The following KIFC1 variants were observed in gnomAD, a reference collection of about 807,000 sequenced individuals.
KIFC1 encodes kinesin-like protein KIFC1.
In KIFC1, 37 loss-of-function variants were observed where a neutral mutation model predicts 66.6. The observed-to-expected ratio is 0.56, with a 90% confidence interval of 0.43 to 0.73. KIFC1 has a LOEUF of 0.73. Ranked by LOEUF, KIFC1 falls within the 30% of genes least tolerant of loss-of-function variation. The probability of loss-of-function intolerance (pLI) is 0.00; values close to 1 mark genes in which losing one functional copy is unlikely to be tolerated. For synonymous variants in KIFC1, 325 were observed against 343.5 expected, an observed-to-expected ratio of 0.95 and a Z score of 0.60; for missense variants, 721 against 859.8, an observed-to-expected ratio of 0.84 and a Z score of 2.02.
Position 33,405,583 on chromosome 6 carries a change from G to C in KIFC1, c.1488G>C (p.Glu496Asp). 1 of 1,558,912 alleles carries C rather than the reference G, an allele frequency of 6.4e-7. No homozygotes were observed. The highest frequency in any genetic ancestry group is 1.2e-5 in the South Asian group (1 of 83,752). Residue 496 changes from glutamate (E) to aspartate (D), a missense_variant, in exon 7 of 11, where the codon GAG becomes GAC. Coordinates refer to ENST00000428849, the MANE Select transcript of KIFC1 (RefSeq NM_002263.4). This position sits in a 1 kb window ranked among gnomAD's most constrained non-coding sequence, Gnocchi z 5.4. The stretch of plus-strand genomic sequence containing the variant: ...GCCGTGCAGGGCCAGGGAGTGAGGA[G>C]CTCACTGTCACCAATGCTCGATATG... ...EIRRAGPGSE[E>D]LTVTNARYVP...
chr6:33,393,869 C>T (rs1272610818), intron 1 of KIFC1, among the ~76,000 whole-genome samples: 2 of 151,936 alleles, frequency 1.3e-5, no homozygotes, highest in African/African-American at 4.8e-5. Flanking sequence ...GCCTCAGCCT[C>T]CCGAGTAGCT....
Position 33,406,488 on chromosome 6 carries a change from TGG to T in KIFC1, c.1827+4_1827+5del. 1 of 1,599,488 alleles carries T rather than the reference TGG, an allele frequency of 6.3e-7. No homozygotes were observed. The highest frequency in any genetic ancestry group is 8.5e-7 in the Non-Finnish European group (1 of 1,171,080). ...GTTATCATGGCCCTGAGCAACAAGG[TGG>T]GAATGGGAGTGGGGTGAGATACGGG... On this transcript the variant is annotated splice_donor_region_variant and intron_variant, in intron 8 of 10. Coordinates refer to ENST00000428849, the MANE Select transcript of KIFC1 (RefSeq NM_002263.4). The surrounding 1 kb of genome is among the most constrained non-coding windows in gnomAD (Gnocchi z 4.5).
intron 1 of KIFC1, among the ~76,000 whole-genome samples, chr6:33,395,458 C>T (rs1032057446): frequency 6.6e-6 from 1 of 151,988 alleles, no homozygotes; most frequent in Non-Finnish European, 1.5e-5. Context: ...GAAAGGGTTG[C>T]CTTAGGAGCA....
At chr6:33,407,812 A>G (rs1258911500) in intron 10 of KIFC1, among the ~76,000 whole-genome samples, 1 of 152,230 alleles carries the variant, frequency 6.6e-6, no homozygotes, top group Non-Finnish European at 1.5e-5. Context: ...AGCAAGTCAG[A>G]AAGTTTCCTT....
At chr6:33,391,699 A>G (rs1244587485), upstream of KIFC1, 3 of 588,888 alleles carry the variant, frequency 5.1e-6, no homozygotes, top group Non-Finnish European at 9.1e-6. Context: ...CAGAAAAGAC[A>G]AGGCGCCTGT....
At chr6:33,408,865 C>T (rs1775769365) in intron 10 of KIFC1, among the ~76,000 whole-genome samples, 1 of 152,098 alleles carries the variant, frequency 6.6e-6, no homozygotes, top group African/African-American at 2.4e-5. Flanking sequence ...TCAAATTGCC[C>T]CATCTTTAGC....
intron 3 of KIFC1, among the ~76,000 whole-genome samples, chr6:33,399,834 A>G (rs948122140): frequency 6.6e-6 from 1 of 152,242 alleles, no homozygotes; most frequent in Non-Finnish European, 1.5e-5. Context: ...CTTACTGTAC[A>G]CTGCTGTAGA....
chr6:33,409,557 G>A (rs1454292152), intron 10 of KIFC1, 89 bp from the exon 11 acceptor site: 21 of 1,287,474 alleles, frequency 1.6e-5, no homozygotes, highest in Non-Finnish European at 4.5e-6. Context: ...TCTGAGGGCA[G>A]CCCTAGCATT....
Position 33,398,023 on chromosome 6 carries a change from C to G in KIFC1, c.13-6C>G, listed in dbSNP as rs373212856. 5 of 1,613,778 alleles carry G rather than the reference C, an allele frequency of 3.1e-6. No individual in the cohort carries two copies. The African/African-American group carries it at 6.7e-5, about 22-fold the overall frequency. ...GTATTGTCTTAAGGGTCTCTTTTCC[C>G]AACAGAGGTCCCCCCTATTGGAAGT... On this transcript the variant is annotated splice_region_variant and splice_polypyrimidine_tract_variant and intron_variant, in intron 1 of 10. Coordinates refer to ENST00000428849, the MANE Select transcript of KIFC1 (RefSeq NM_002263.4).
In KIFC1 at chr6:33,403,175, C is replaced by G; in HGVS notation, c.251-139C>G. 1 of 786,260 alleles carries G rather than the reference C, an allele frequency of 1.3e-6. No individual in the cohort carries two copies. Among genetic ancestry groups the G allele is most frequent in the Non-Finnish European group, 2.1e-6 (1 of 468,470 alleles). The allele number at this position is 786,260 out of a possible 1,614,324, so 48.7% of individuals were successfully genotyped here. On this transcript the variant is annotated intron_variant, in intron 3 of 10. Transcript: ENST00000428849. The surrounding 1 kb of genome is among the most constrained non-coding windows in gnomAD (Gnocchi z 4.6). ...TAGGGGAGGTATCATTAGGAGCTGG[C>G]CAGACTTAGGGATAAGGGAAGGAAG...
At position 33,405,550 on chromosome 6, in the gene KIFC1, T is replaced by C; in HGVS notation, c.1455T>C (p.Cys485=). The part of the protein sequence containing the change: ...TGTRKGQGGE[C]EIRRAGPGSE... ...CCCGGAAGGGTCAAGGGGGCGAGTG[T>C]GAGATTCGCCGTGCAGGGCCAGGGA... Residue 485 remains cysteine, a synonymous_variant, in exon 7 of 11, where the codon TGT becomes TGC. Transcript: ENST00000428849. The surrounding 1 kb of genome is among the most constrained non-coding windows in gnomAD (Gnocchi z 5.4). 6.2e-7 allele frequency: 1 copy of C among 1,601,806 alleles called. No individual in the cohort carries two copies. Among genetic ancestry groups the C allele is most frequent in the Non-Finnish European group, 8.5e-7 (1 of 1,174,560 alleles).
rs770306906 is a variant in KIFC1 at position 33,403,361 on chromosome 6, G to A, written c.298G>A (p.Ala100Thr). ...AGGACCCCGGTGTTCCACAGCTATT[G>A]CCACAGGTAACTGTGCTCAAGAGCT... ...KTGPRCSTAI[A>T]TGLKNQKPVP... The change falls in exon 4 of 11, where the codon GCC becomes ACC. Residue 100 changes from alanine (A) to threonine (T), a missense_variant. Physicochemically the swap from Ala to Thr is moderately conservative, Grantham distance 58. Coordinates refer to ENST00000428849, the MANE Select transcript of KIFC1 (RefSeq NM_002263.4). The surrounding 1 kb of genome is among the most constrained non-coding windows in gnomAD (Gnocchi z 4.6). 2 of 1,613,960 alleles carry A rather than the reference G, an allele frequency of 1.2e-6. No individual in the cohort carries two copies. Among genetic ancestry groups the A allele is most frequent in the African/African-American group, 2.7e-5 (2 of 74,912 alleles).
chr6:33,403,872 C>T lies in KIFC1; in HGVS notation c.499C>T (p.Leu167Phe). 1.2e-6 allele frequency: 2 copies of T among 1,614,250 alleles called. No individual in the cohort carries two copies. The highest frequency in any genetic ancestry group is 1.3e-5 in the African/African-American group (1 of 75,058). Residue 167 changes from leucine (L) to phenylalanine (F), a missense_variant, in exon 6 of 11, where the codon CTT becomes TTT. Physicochemically the swap from Leu to Phe is conservative, Grantham distance 22. Coordinates refer to ENST00000428849, the MANE Select transcript of KIFC1 (RefSeq NM_002263.4). The surrounding 1 kb of genome is among the most constrained non-coding windows in gnomAD (Gnocchi z 4.6). ...AACGTTGGACCAAGAGAACCAGCAG[C>T]TTCAGGACCAGCTCAGAGATGCCCA... ...TQTLDQENQQ[L>F]QDQLRDAQQQ...
chr6:33,406,497 G>C lies in KIFC1; in HGVS notation c.1827+11G>C, dbSNP rs760528685. The C allele has an allele frequency of 6.2e-7, 1 of 1,603,682 alleles. No homozygotes were observed. The highest frequency in any genetic ancestry group is 1.1e-5 in the South Asian group (1 of 89,518). ...GCCCTGAGCAACAAGGTGGGAATGGGAGTGGGGTGAGATACGGGACCTGGG... is the reference window on the plus strand; with the variant it reads ...GCCCTGAGCAACAAGGTGGGAATGGCAGTGGGGTGAGATACGGGACCTGGG... On this transcript the variant is annotated intron_variant, in intron 8 of 10. Transcript: ENST00000428849. The surrounding 1 kb of genome is among the most constrained non-coding windows in gnomAD (Gnocchi z 4.5).
At position 33,403,294 on chromosome 6, in the gene KIFC1, C is replaced by G. The variant is rs367655955; in HGVS notation, c.251-20C>G. The G allele has an allele frequency of 1.2e-6, 2 of 1,609,270 alleles. No homozygotes were observed. Among genetic ancestry groups the G allele is most frequent in the Non-Finnish European group, 1.7e-6 (2 of 1,176,878 alleles). The stretch of plus-strand genomic sequence containing the variant: ...TAAGAATGATCATTCTACCTTTGCT[C>G]TCTCCCATCTCCTGGGCAGCTCAAA... On this transcript the variant is annotated intron_variant, in intron 3 of 10. Coordinates refer to ENST00000428849, the MANE Select transcript of KIFC1 (RefSeq NM_002263.4). The surrounding 1 kb of genome is among the most constrained non-coding windows in gnomAD (Gnocchi z 4.6).
Position 33,391,900 on chromosome 6 carries a change from CG to C in KIFC1, c.-83del. 6.5e-7 allele frequency: 1 copy of C among 1,534,784 alleles called. No homozygotes were observed. Among genetic ancestry groups the C allele is most frequent in the South Asian group, 1.1e-5 (1 of 88,374 alleles). ...CGAGTTCTCTACCCTGCTTCGCGAGCGGGCGAGAGAACGCGAGTCCCAGGAT... is the reference window on the plus strand; with the variant it reads ...CGAGTTCTCTACCCTGCTTCGCGAGCGGCGAGAGAACGCGAGTCCCAGGAT... On this transcript the variant is annotated 5_prime_UTR_variant, in exon 1 of 11. Transcript: ENST00000428849.
chr6:33,401,868 A>G lies in KIFC1; in HGVS notation c.251-1446A>G, dbSNP rs1262200942. Among the ~76,000 whole-genome samples the G allele has an allele frequency of 6.6e-6, 1 of 151,854 alleles. No individual in the cohort carries two copies. Among genetic ancestry groups the G allele is most frequent in the Non-Finnish European group, 1.5e-5 (1 of 67,964 alleles). Reference sequence around the variant, plus strand: ...AGGTGCCCGCCACCACGCCTGGTTAATTTTGTTTTTGTATTTTTAGGAGAG... The same window carrying G: ...AGGTGCCCGCCACCACGCCTGGTTAGTTTTGTTTTTGTATTTTTAGGAGAG... On this transcript the variant is annotated intron_variant, in intron 3 of 10. Coordinates refer to ENST00000428849, the MANE Select transcript of KIFC1 (RefSeq NM_002263.4). This position sits in a 1 kb window ranked among gnomAD's most constrained non-coding sequence, Gnocchi z 4.5.
upstream of KIFC1, chr6:33,391,747 G>GC (rs1319675855): frequency 1.6e-6 from 1 of 609,600 alleles, no homozygotes; most frequent in Admixed American, 2.7e-5. Flanking sequence ...AGAACGCTGC[G>GC]ATTGGCCCTC....
At chr6:33,396,685 T>C (rs1231073174) in intron 1 of KIFC1, among the ~76,000 whole-genome samples, 2 of 143,040 alleles carry the variant, frequency 1.4e-5, no homozygotes, top group Non-Finnish European at 3.1e-5. Flanking sequence ...AATTAATTTC[T>C]TTTTTTTTTT....
Sources: allele counts gnomAD v4.1 joint callset (sites outside exome capture counted in the v4.1 genomes callset), GRCh38; gene constraint gnomAD v4.1.1; non-coding constraint Gnocchi (gnomAD v3.1); transcripts MANE v1.5; gene names NCBI Gene and HGNC (gene_info 2026-07-23, HGNC 2026-07-21).